NSMCE4A: variants seen among roughly 807,000 people sequenced by gnomAD.
NSMCE4A encodes non-structural maintenance of chromosomes element 4 homolog A.
NSMCE4A carries 40 observed loss-of-function variants against 47.9 expected under a neutral mutation model. The ratio of observed to expected loss-of-function variants is 0.83; its 90% CI spans 0.65 to 1.09. NSMCE4A has a LOEUF of 1.09. NSMCE4A is among the 50% of genes least tolerant of loss of function. The pLI is 0.00. For missense variants in NSMCE4A, 500 were observed against 507.0 expected, an observed-to-expected ratio of 0.99 and a Z score of 0.13; for synonymous variants, 166 against 178.5, an observed-to-expected ratio of 0.93 and a Z score of 0.56.
intron 2 of NSMCE4A, 37 bp from the exon 3 acceptor site, chr10:121,971,106 A>G: frequency 6.3e-7 from 1 of 1,586,576 alleles, no homozygotes; most frequent in Non-Finnish European, 8.6e-7. Flanking sequence ...ACATTACAAA[A>G]TACACATTAT....
At chr10:121,967,085 T>G (rs1200597006) in intron 4 of NSMCE4A, 1 of 152,070 alleles carries the variant, frequency 6.6e-6, no homozygotes, top group Non-Finnish European at 1.5e-5. Flanking sequence ...AAACCCAGAG[T>G]CTCATGAGCT....
chr10:121,961,862 G>A (rs1386409051), intron 6 of NSMCE4A: 4 of 236,236 alleles, frequency 1.7e-5, no homozygotes, highest in Non-Finnish European at 3.3e-5. Context: ...CAGCACTTTG[G>A]GAGGCCGATG....
intron 10 of NSMCE4A, among the ~76,000 whole-genome samples, chr10:121,958,183 G>A (rs1424976517): frequency 2.0e-5 from 3 of 152,116 alleles, no homozygotes; most frequent in Non-Finnish European, 2.9e-5. Context: ...AACTGAGATC[G>A]TGCCACTGCA....
intron 3 of NSMCE4A, among the ~76,000 whole-genome samples, chr10:121,969,710 T>C (rs372796560): frequency 1.1e-4 from 17 of 152,272 alleles, no homozygotes; most frequent in Admixed American, 3.3e-4. Context: ...GATTGACAGA[T>C]TGACTGATTG....
Position 121,961,506 on chromosome 10 carries a change from T to C in NSMCE4A, c.856A>G (p.Met286Val), listed in dbSNP as rs1377586129. The change falls in exon 7 of 11, where the codon ATG (methionine) becomes GTG (valine). Residue 286 changes from methionine to valine, a missense_variant. Coordinates refer to ENST00000369023, the MANE Select transcript of NSMCE4A (RefSeq NM_017615.3). ...TYFREDPDTP[M>V]SFFDFVVDPH... Reference sequence around the variant, plus strand: ...TCAACCACAAAGTCAAAGAAGGACATTGGGGTATCAGCTATAGACAAAAAG... The same window carrying C: ...TCAACCACAAAGTCAAAGAAGGACACTGGGGTATCAGCTATAGACAAAAAG... 7.0e-6 allele frequency: 11 copies of C among 1,562,812 alleles called. 1 individual carries two copies. Among genetic ancestry groups the C allele is most frequent in the South Asian group, 3.6e-5 (3 of 82,376 alleles).
At chr10:121,958,560 C>A (rs1453969493) in intron 10 of NSMCE4A, among the ~76,000 whole-genome samples, 1 of 152,096 alleles carries the variant, frequency 6.6e-6, no homozygotes, top group Non-Finnish European at 1.5e-5. Context: ...GGATGGTGAA[C>A]AACAACATGG....
chr10:121,964,051 G>A (rs1343346187), intron 5 of NSMCE4A, among the ~76,000 whole-genome samples: 6 of 145,564 alleles, frequency 4.1e-5, no homozygotes, highest in South Asian at 2.2e-4. Flanking sequence ...AGCCGAGATC[G>A]CGCCACTGCA....
At chr10:121,958,825 C>CTTTTTTTTTTTTTTTT (rs778070060) in intron 10 of NSMCE4A, among the ~76,000 whole-genome samples, 58 of 146,858 alleles carry the variant, frequency 3.9e-4, no homozygotes, top group Middle Eastern at 3.5e-3. Context: ...AGCTGCAAGT[C>CTTTTTTTTTTTTTTTT]TTTTTTTTGA....
At chr10:121,972,248 G>A (rs973501553) in intron 2 of NSMCE4A, among the ~76,000 whole-genome samples, 1 of 151,952 alleles carries the variant, frequency 6.6e-6, no homozygotes, top group Admixed American at 6.6e-5. Context: ...CTTTAACCTG[G>A]GGGGGGCAGA....
chr10:121,968,978 G>A (rs553914299), intron 3 of NSMCE4A, among the ~76,000 whole-genome samples: 1 of 152,300 alleles, frequency 6.6e-6, no homozygotes, highest in South Asian at 2.1e-4. Flanking sequence ...CCCAGAGACT[G>A]GACAACTATT....
intron 5 of NSMCE4A, among the ~76,000 whole-genome samples, chr10:121,964,929 A>G (rs186673729): frequency 5.3e-4 from 80 of 152,280 alleles, no homozygotes; most frequent in Middle Eastern, 3.4e-3. Context: ...TGGTTGTCAC[A>G]ACTCAGGGGT....
At chr10:121,970,729 T>G (rs182462831) in intron 3 of NSMCE4A, among the ~76,000 whole-genome samples, 1 of 152,160 alleles carries the variant, frequency 6.6e-6, no homozygotes, top group South Asian at 2.1e-4. Flanking sequence ...TAAGACAGAA[T>G]GCTACGAGAT....
In NSMCE4A at chr10:121,960,324, TA is replaced by T; in HGVS notation, c.988+33del. The T allele has an allele frequency of 3.6e-6, 5 of 1,390,618 alleles. No homozygotes were observed. The South Asian group carries it at 4.7e-5, about 13-fold the overall frequency. 86.1% of individuals were successfully genotyped at this position (1,390,618 alleles called of 1,614,324 possible). On this transcript the variant is annotated intron_variant, in intron 8 of 10. Coordinates refer to ENST00000369023, the MANE Select transcript of NSMCE4A (RefSeq NM_017615.3). The surrounding 1 kb of genome is among the most constrained non-coding windows in gnomAD (Gnocchi z 4.2). ...ATTCTACTAACAAATATATTTTCTC[TA>T]AAACTAATTTTTCCAAACATAGTAT... is the stretch of plus-strand genomic sequence containing the variant.
At chr10:121,967,918 C>T in intron 3 of NSMCE4A, 112 bp from the exon 4 acceptor site, 1 of 1,082,080 alleles carries the variant, frequency 9.2e-7, no homozygotes, top group Non-Finnish European at 1.3e-6. Context: ...AGCCAGCTTT[C>T]AGTGTCTTAA....
chr10:121,959,846 T>A, intron 8 of NSMCE4A: 2 of 518,024 alleles, frequency 3.9e-6, no homozygotes, highest in South Asian at 2.2e-5. Context: ...AATCTGCATA[T>A]CTATGTGTCA....
At chr10:121,971,130 C>A in intron 2 of NSMCE4A, 61 bp from the exon 3 acceptor site, 1 of 1,440,672 alleles carries the variant, frequency 6.9e-7, no homozygotes, top group South Asian at 1.4e-5. Context: ...TAGACTTTTT[C>A]CCTACATTTC....
intron 2 of NSMCE4A, among the ~76,000 whole-genome samples, chr10:121,971,292 C>T (rs1590791364): frequency 6.6e-6 from 1 of 151,998 alleles, no homozygotes. Context: ...GGGCGGATCA[C>T]GAGGTCAGGA....
At chr10:121,958,597 C>T (rs774972281) in intron 10 of NSMCE4A, among the ~76,000 whole-genome samples, 3 of 152,072 alleles carry the variant, frequency 2.0e-5, no homozygotes, top group African/African-American at 4.8e-5. Context: ...TTTCACTTAT[C>T]TAATTTACCA....
intron 5 of NSMCE4A, among the ~76,000 whole-genome samples, chr10:121,964,288 A>T (rs1952563051): frequency 6.7e-6 from 1 of 150,294 alleles, no homozygotes; most frequent in Non-Finnish European, 1.5e-5. Flanking sequence ...GATTAGAGGC[A>T]CCCACCACCA....
Sources: gnomAD v4.1 joint callset for allele counts (sites outside exome capture counted in the v4.1 genomes callset) on GRCh38, gnomAD v4.1.1 for gene constraint, Gnocchi (gnomAD v3.1) non-coding constraint, MANE v1.5 for transcripts, NCBI Gene and HGNC (gene_info 2026-07-23, HGNC 2026-07-21) for gene names.